Variants in SASH1 observed in about 807,000 individuals in gnomAD.
The protein encoded by SASH1 is SAM and SH3 domain containing 1.
SASH1 carries 44 observed loss-of-function variants against 125.2 expected under a neutral mutation model. The ratio of observed to expected loss-of-function variants is 0.35; its 90% confidence interval spans 0.28 to 0.45. The LOEUF is 0.45. Among genes scored for constraint, SASH1 ranks in the 20% least tolerant of loss-of-function variants. SASH1 has a pLI of 1.00. For missense variants in SASH1, 1,426 were observed against 1,614.5 expected, an observed-to-expected ratio of 0.88 and a Z score of 2.00; for synonymous variants, 639 against 649.1, an observed-to-expected ratio of 0.98 and a Z score of 0.24.
chr6:148,499,057 G>GTTT (rs4052628), intron 8 of SASH1, among the ~76,000 whole-genome samples: 2,952 of 126,910 alleles, frequency 0.023, 142 homozygotes, highest in African/African-American at 0.077. Flanking sequence ...TCTTTTTTTT[G>GTTT]TTTTTTTTTT....
At chr6:148,418,146 A>G (rs575442013) in intron 2 of SASH1, among the ~76,000 whole-genome samples, 3 of 152,314 alleles carry the variant, frequency 2.0e-5, no homozygotes, top group South Asian at 2.1e-4. Context: ...TGTTCTTTCT[A>G]TAGTTAATTT....
In SASH1 at chr6:148,363,147, A is replaced by G. The variant is rs189397212; in HGVS notation, c.156+19924A>G. 3.1e-3 allele frequency among the ~76,000 whole-genome samples: 468 copies of G among 152,334 alleles called. 1 individual carries two copies. The highest frequency in any genetic ancestry group is 0.011 in the African/African-American group (443 of 41,576). Reference sequence around the variant, plus strand: ...CAAAGGAACCTTGGTGGTGATATCCATAAACACAGGGCTGCCCTGCCTCAC... The same window carrying G: ...CAAAGGAACCTTGGTGGTGATATCCGTAAACACAGGGCTGCCCTGCCTCAC... On this transcript the variant is annotated intron_variant, in intron 1 of 19. Coordinates refer to ENST00000367467, the MANE Select transcript of SASH1 (RefSeq NM_015278.5).
intron 4 of SASH1, among the ~76,000 whole-genome samples, chr6:148,447,631 C>T (rs1439608506): frequency 6.6e-6 from 1 of 151,504 alleles, no homozygotes; most frequent in East Asian, 1.9e-4. Flanking sequence ...CCCCTTCCTT[C>T]TCCTCCTCCT....
chr6:148,285,226 C>G (rs9377124), intron 1 of SASH1, among the ~76,000 whole-genome samples: 1 of 152,054 alleles, frequency 6.6e-6, no homozygotes, highest in African/African-American at 2.4e-5. Context: ...TTGAGCCCCA[C>G]AGAAAGACTG....
intron 1 of SASH1, among the ~76,000 whole-genome samples, chr6:148,384,394 G>T (rs1783274462): frequency 6.6e-6 from 1 of 152,130 alleles, no homozygotes; most frequent in Non-Finnish European, 1.5e-5. Context: ...GTTTAAAAAA[G>T]AATCCGTTTC....
chr6:148,529,442 C>T lies in SASH1; in HGVS notation c.1428+1846C>T, dbSNP rs576584672. ...TTCATTCTCTTGTCCTTGTGGGTGA[C>T]GGAGTGATAGTGATTCTATATTTCT... On this transcript the variant is annotated intron_variant, in intron 12 of 19. Coordinates refer to ENST00000367467, the MANE Select transcript of SASH1 (RefSeq NM_015278.5). The surrounding 1 kb of genome is among the most constrained non-coding windows in gnomAD (Gnocchi z 4.2). 1.3e-5 allele frequency among the ~76,000 whole-genome samples: 2 copies of T among 152,202 alleles called. No individual in the cohort carries two copies. The highest frequency in any genetic ancestry group is 2.1e-4 in the South Asian group (1 of 4,820).
At chr6:148,244,343 C>T in the SASH1 span, among the ~76,000 whole-genome samples, 1 of 152,192 alleles carries the variant, frequency 6.6e-6, no homozygotes, top group African/African-American at 2.4e-5. Flanking sequence ...AAATGTATCC[C>T]TATCATGCAG....
chr6:148,326,937 C>A (rs766278696), intron 1 of SASH1, among the ~76,000 whole-genome samples: 2 of 152,150 alleles, frequency 1.3e-5, no homozygotes, highest in Non-Finnish European at 2.9e-5. Context: ...TAGGACTTTA[C>A]AATCTTTAAC....
intron 8 of SASH1, among the ~76,000 whole-genome samples, chr6:148,489,598 C>T (rs1025233632): frequency 1.7e-4 from 26 of 152,084 alleles, no homozygotes; most frequent in Non-Finnish European, 3.5e-4. Flanking sequence ...AGTCAATGAA[C>T]ATAGGGTATC....
intron 4 of SASH1, among the ~76,000 whole-genome samples, chr6:148,452,576 A>G (rs866291714): frequency 2.6e-5 from 4 of 152,172 alleles, no homozygotes; most frequent in Admixed American, 2.0e-4. Flanking sequence ...AAGTTATTCG[A>G]ATTCTTTACG....
intron 8 of SASH1, among the ~76,000 whole-genome samples, chr6:148,510,357 T>A (rs916866691): frequency 5.3e-5 from 8 of 152,312 alleles, no homozygotes; most frequent in African/African-American, 1.9e-4. Flanking sequence ...ATACAGATGA[T>A]TGAGTTCACC....
At chr6:148,483,885 T>G (rs755841677) in intron 7 of SASH1, among the ~76,000 whole-genome samples, 2 of 152,218 alleles carry the variant, frequency 1.3e-5, no homozygotes, top group African/African-American at 2.4e-5. Context: ...TCACAGAGAT[T>G]TGGACACATA....
At chr6:148,440,317 G>A (rs747338537) in intron 3 of SASH1, 41 bp from the exon 4 acceptor site, 7 of 1,609,816 alleles carry the variant, frequency 4.3e-6, no homozygotes, top group African/African-American at 1.3e-5. Flanking sequence ...GATGAAGCCT[G>A]CTGCTCTGAC....
Position 148,377,311 on chromosome 6 carries a change from G to A in SASH1, c.157-12823G>A, listed in dbSNP as rs189129531. Among the ~76,000 whole-genome samples the A allele has an allele frequency of 4.7e-3, 711 of 151,934 alleles. 2 individuals carry two copies. The highest frequency in any genetic ancestry group is 0.022 in the East Asian group (114 of 5,174). On this transcript the variant is annotated intron_variant, in intron 1 of 19. Coordinates refer to ENST00000367467, the MANE Select transcript of SASH1 (RefSeq NM_015278.5). ...CTCCCTGATGGTAGTAAAATGCTGA[G>A]GATTTTCTGGATAAGCTCCTTGTGT...
intron 2 of SASH1, among the ~76,000 whole-genome samples, chr6:148,407,941 A>G (rs1185074909): frequency 2.0e-5 from 3 of 151,382 alleles, no homozygotes; most frequent in Non-Finnish European, 2.9e-5. Context: ...CTACTTTTAA[A>G]TTTTTGAGGA....
chr6:148,205,848 G>A, the SASH1 span, among the ~76,000 whole-genome samples: 10 of 152,278 alleles, frequency 6.6e-5, no homozygotes, highest in East Asian at 1.7e-3. Flanking sequence ...CTCTCTGATT[G>A]TACTGATGCC....
At chr6:148,441,153 C>T (rs900587353) in intron 4 of SASH1, among the ~76,000 whole-genome samples, 6 of 152,228 alleles carry the variant, frequency 3.9e-5, no homozygotes, top group South Asian at 2.1e-4. Flanking sequence ...TCTAAACAGA[C>T]GCTTCCTTTG....
intron 4 of SASH1, among the ~76,000 whole-genome samples, chr6:148,450,809 C>A (rs1777065473): frequency 3.3e-5 from 5 of 151,746 alleles, no homozygotes; most frequent in Admixed American, 2.6e-4. Context: ...GTCATTATAG[C>A]CTTGGAATTA....
At chr6:148,292,074 A>G (rs1214593081) in intron 1 of SASH1, among the ~76,000 whole-genome samples, 1 of 152,216 alleles carries the variant, frequency 6.6e-6, no homozygotes, top group African/African-American at 2.4e-5. Context: ...ATGGAACAGG[A>G]AGGAACTAAC....
Sources: allele counts gnomAD v4.1 joint callset (sites outside exome capture counted in the v4.1 genomes callset), GRCh38; gene constraint gnomAD v4.1.1; non-coding constraint Gnocchi (gnomAD v3.1); transcripts MANE v1.5; gene names NCBI Gene and HGNC (gene_info 2026-07-23, HGNC 2026-07-21).